The following KHDRBS3 variants were observed in gnomAD, a reference collection of about 807,000 sequenced individuals.
KHDRBS3 encodes KH RNA binding domain containing, signal transduction associated 3.
Under a neutral mutation model 45.6 loss-of-function variants are expected in KHDRBS3, and 23 were observed. That is an observed-to-expected ratio of 0.50 (90% CI 0.36 to 0.72). The LOEUF (loss-of-function observed/expected upper bound fraction) is 0.72, where lower values mean the gene tolerates loss of function less well. Ranked by LOEUF, KHDRBS3 falls within the 30% of genes least tolerant of loss-of-function variation. KHDRBS3 has a pLI of 0.00. For missense variants in KHDRBS3, 352 were observed against 424.8 expected, an observed-to-expected ratio of 0.83 and a Z score of 1.51; for synonymous variants, 162 against 156.5, an observed-to-expected ratio of 1.04 and a Z score of -0.26.
intron 6 of KHDRBS3, among the ~76,000 whole-genome samples, chr8:135,592,436 C>T (rs942059034): frequency 3.3e-5 from 5 of 152,016 alleles, no homozygotes; most frequent in Non-Finnish European, 7.4e-5. Context: ...GTAACATATC[C>T]CTCAGGTGAT....
intron 2 of KHDRBS3, chr8:135,539,623 T>C (rs1207299398): frequency 6.6e-6 from 1 of 152,272 alleles, no homozygotes; most frequent in Non-Finnish European, 1.5e-5. Context: ...TTTCGTATAC[T>C]TTCTTACTTA....
At chr8:135,617,479 T>C (rs1298959594) in intron 7 of KHDRBS3, among the ~76,000 whole-genome samples, 1 of 151,958 alleles carries the variant, frequency 6.6e-6, no homozygotes. Flanking sequence ...GGTTTTGTCA[T>C]GTTGGCCAGG....
chr8:135,467,715 G>A (rs1448338920), intron 1 of KHDRBS3, among the ~76,000 whole-genome samples: 2 of 152,350 alleles, frequency 1.3e-5, no homozygotes, highest in East Asian at 1.9e-4. Flanking sequence ...GGCACACCAC[G>A]TCTGTGTCGT....
At chr8:135,616,151 A>G (rs1022426105) in intron 7 of KHDRBS3, among the ~76,000 whole-genome samples, 11 of 152,352 alleles carry the variant, frequency 7.2e-5, no homozygotes, top group African/African-American at 2.6e-4. Context: ...TCTGTCATTT[A>G]ATTCCTAAGA....
At chr8:135,586,046 A>G (rs1828455592) in intron 6 of KHDRBS3, among the ~76,000 whole-genome samples, 1 of 152,200 alleles carries the variant, frequency 6.6e-6, no homozygotes, top group Non-Finnish European at 1.5e-5. Flanking sequence ...TCCTGAAGGA[A>G]ACAGAAAAAC....
At chr8:135,514,692 T>C (rs188711655) in intron 1 of KHDRBS3, among the ~76,000 whole-genome samples, 277 of 152,316 alleles carry the variant, frequency 1.8e-3, no homozygotes, top group Non-Finnish European at 1.7e-3. Context: ...ATAAATTTTA[T>C]GGTTTTTTTT....
chr8:135,485,643 G>A (rs1249655432), intron 1 of KHDRBS3, among the ~76,000 whole-genome samples: 2 of 151,714 alleles, frequency 1.3e-5, no homozygotes, highest in Non-Finnish European at 2.9e-5. Context: ...AAGTTAATTT[G>A]CAAAATACCA....
At chr8:135,504,619 T>C (rs1178664676) in intron 1 of KHDRBS3, among the ~76,000 whole-genome samples, 1 of 152,248 alleles carries the variant, frequency 6.6e-6, no homozygotes, top group Non-Finnish European at 1.5e-5. Flanking sequence ...TCCCTCTGAA[T>C]AATGTGTTGA....
chr8:135,540,593 A>G (rs1825997224), intron 2 of KHDRBS3: 1 of 152,246 alleles, frequency 6.6e-6, no homozygotes. Context: ...CACACTGAAA[A>G]TGAGGGAATT....
chr8:135,586,016 A>G (rs1828453971), intron 6 of KHDRBS3, among the ~76,000 whole-genome samples: 1 of 152,200 alleles, frequency 6.6e-6, no homozygotes, highest in African/African-American at 2.4e-5. Flanking sequence ...TTACAAATGA[A>G]TAAGATTAAT....
chr8:135,613,433 G>C (rs1046378550), intron 7 of KHDRBS3, among the ~76,000 whole-genome samples: 3 of 151,746 alleles, frequency 2.0e-5, no homozygotes, highest in African/African-American at 7.3e-5. Context: ...CGGCCTGAAG[G>C]CTGAAAGAGA....
chr8:135,552,524 C>T (rs1015684313), intron 4 of KHDRBS3, among the ~76,000 whole-genome samples: 3 of 152,214 alleles, frequency 2.0e-5, no homozygotes, highest in South Asian at 2.1e-4. Context: ...GTATAGGTCA[C>T]GTTTTCCTGT....
chr8:135,579,552 G>T (rs1373716767), intron 5 of KHDRBS3, among the ~76,000 whole-genome samples: 1 of 152,132 alleles, frequency 6.6e-6, no homozygotes, highest in African/African-American at 2.4e-5. Context: ...GGCCATGCTG[G>T]TTTCGAACTC....
intron 5 of KHDRBS3, among the ~76,000 whole-genome samples, chr8:135,570,053 T>C (rs915834022): frequency 6.6e-6 from 1 of 152,218 alleles, no homozygotes; most frequent in African/African-American, 2.4e-5. Context: ...GGGGCAATTC[T>C]GTATCTGTTG....
At chr8:135,458,091 G>A in intron 1 of KHDRBS3, 137 bp downstream of exon 1, 2 of 1,393,040 alleles carry the variant, frequency 1.4e-6, no homozygotes, top group Non-Finnish European at 1.9e-6. Flanking sequence ...CCCCGGGGTC[G>A]TTTGCACGGG....
intron 1 of KHDRBS3, among the ~76,000 whole-genome samples, chr8:135,469,113 C>T (rs774698116): frequency 1.9e-4 from 29 of 152,252 alleles, no homozygotes; most frequent in Non-Finnish European, 2.8e-4. Context: ...CAGCACCAAT[C>T]AATTGGGTGA....
intron 1 of KHDRBS3, among the ~76,000 whole-genome samples, chr8:135,472,979 C>A (rs1453762545): frequency 2.6e-5 from 4 of 151,342 alleles, no homozygotes; most frequent in Non-Finnish European, 2.9e-5. Context: ...CTTAGCATGA[C>A]TAAATAAAAA....
intron 2 of KHDRBS3, among the ~76,000 whole-genome samples, chr8:135,533,098 A>C (rs1390922379): frequency 6.6e-6 from 1 of 152,028 alleles, no homozygotes; most frequent in Non-Finnish European, 1.5e-5. Flanking sequence ...ACCATTTATT[A>C]ATTCATTTGC....
intron 5 of KHDRBS3, among the ~76,000 whole-genome samples, chr8:135,558,059 T>G (rs1001294463): frequency 6.6e-6 from 1 of 152,242 alleles, no homozygotes; most frequent in South Asian, 2.1e-4. Context: ...AAGATTGGGC[T>G]AGCAGTCACT....
Sources: gnomAD v4.1 joint callset for allele counts (sites outside exome capture counted in the v4.1 genomes callset) on GRCh38, gnomAD v4.1.1 for gene constraint, MANE v1.5 for transcripts, NCBI Gene and HGNC (gene_info 2026-07-23, HGNC 2026-07-21) for gene names.